The following CFAP74 variants were observed in gnomAD, a reference collection of about 807,000 sequenced individuals.
The protein encoded by CFAP74 is cilia and flagella associated protein 74.
A neutral mutation model predicts 188.9 loss-of-function variants in CFAP74; 124 were observed. The ratio of observed to expected loss-of-function variants is 0.66; its 90% CI spans 0.57 to 0.76. CFAP74 has a LOEUF of 0.76. Among genes scored for constraint, CFAP74 ranks in the 30% least tolerant of loss-of-function variants. The probability of loss-of-function intolerance (pLI) is 0.00; values close to 1 mark genes in which losing one functional copy is unlikely to be tolerated. For missense variants in CFAP74, 2,198 were observed against 2,165.2 expected (o/e 1.02, Z -0.30); for synonymous variants, 956 against 916.7 (o/e 1.04, Z -0.77).
intron 9 of CFAP74, among the ~76,000 whole-genome samples, 153 bp from the exon 10 acceptor site, chr1:1,970,969 T>C (rs561694897): frequency 1.1e-3 from 158 of 144,042 alleles, no homozygotes; most frequent in African/African-American, 3.9e-3. Context: ...ACATCACACA[T>C]GCACACCTGC....
Position 1,925,839 on chromosome 1 carries a change from T to C in CFAP74, c.4048A>G (p.Ser1350Gly). 6.2e-7 allele frequency: 1 copy of C among 1,612,700 alleles called. No individual in the cohort carries two copies. ...ASMITCSIEG[S>G]VLNMGYVIAG... Reference sequence around the variant, plus strand: ...ATCACATAGCCCATGTTGAGGACGCTGCCTTCAATGGAGCACGTGATCATG... The same window carrying C: ...ATCACATAGCCCATGTTGAGGACGCCGCCTTCAATGGAGCACGTGATCATG... The change falls in exon 33 of 39, where the codon AGC becomes GGC. Residue 1350 changes from serine (S) to glycine (G), a missense_variant. Physicochemically the swap from Ser to Gly is moderately conservative, Grantham distance 56. Transcript: ENST00000682832.
intron 10 of CFAP74, among the ~76,000 whole-genome samples, chr1:1,969,703 C>A (rs1438806945): frequency 6.6e-6 from 1 of 151,822 alleles, no homozygotes; most frequent in Non-Finnish European, 1.5e-5. Context: ...GCTGCCAGGA[C>A]CCCCCCGCCC....
Position 1,938,979 on chromosome 1 carries a change from C to T in CFAP74, c.2887G>A (p.Val963Ile), listed in dbSNP as rs1348251877. The change falls in exon 25 of 39, where the codon GTC becomes ATC. Residue 963 changes from valine to isoleucine, a missense_variant. Val to Ile is a conservative substitution (Grantham distance 29). Coordinates refer to ENST00000682832, the MANE Select transcript of CFAP74 (RefSeq NM_001304360.2). ...GTCCCAAACCCATCGTTGGGTTGGACGTCCACAAACTGGAAATAGAAGAGT... is the reference window on the plus strand; with the variant it reads ...GTCCCAAACCCATCGTTGGGTTGGATGTCCACAAACTGGAAATAGAAGAGT... ...GFVRLPKFVD[V>I]QPNDGFGTIL... 4 of 1,535,826 alleles carry T rather than the reference C, an allele frequency of 2.6e-6. No homozygotes were observed. Among genetic ancestry groups the T allele is most frequent in the South Asian group, 1.2e-5 (1 of 84,064 alleles).
In CFAP74 at chr1:1,991,854, A is replaced by G. The variant is rs1357522589; in HGVS notation, c.-19-879T>C. 9.2e-5 allele frequency among the ~76,000 whole-genome samples: 14 copies of G among 151,890 alleles called. 1 individual carries two copies. The highest frequency in any genetic ancestry group is 5.9e-5 in the Non-Finnish European group (4 of 67,976). On this transcript the variant is annotated intron_variant, in intron 1 of 38. Coordinates refer to ENST00000682832, the MANE Select transcript of CFAP74 (RefSeq NM_001304360.2). ...GGAGATCGAGACTATCCTGGCTAGC[A>G]CAGTGAAACCCCATCTCTACTAAAA...
intron 6 of CFAP74, among the ~76,000 whole-genome samples, chr1:1,981,167 C>A (rs967149061): frequency 6.6e-6 from 1 of 152,240 alleles, no homozygotes; most frequent in Non-Finnish European, 1.5e-5. Context: ...TGGAAGCCCC[C>A]GTTCCAGAGG....
At chr1:1,969,076 G>A (rs2102074910) in intron 10 of CFAP74, among the ~76,000 whole-genome samples, 1 of 152,286 alleles carries the variant, frequency 6.6e-6, no homozygotes, top group Non-Finnish European at 1.5e-5. Flanking sequence ...AGCTCCAGTG[G>A]GAAGCAGATG....
chr1:1,941,092 G>A (rs1337848733), intron 22 of CFAP74, among the ~76,000 whole-genome samples: 7 of 151,652 alleles, frequency 4.6e-5, no homozygotes, highest in Admixed American at 2.6e-4. Flanking sequence ...CAGCCTGGGC[G>A]ACAGAGCGAG....
chr1:1,975,320 T>C lies in CFAP74; in HGVS notation c.501-1122A>G, dbSNP rs888999413. ...AATTGAGATACTCAATGGTTTTCTC[T>C]TTTAACGTGTTAATGTCAAGGATTT... On this transcript the variant is annotated intron_variant, in intron 6 of 38. Transcript: ENST00000682832. This position sits in a 1 kb window ranked among gnomAD's most constrained non-coding sequence, Gnocchi z 4.5. Among the ~76,000 whole-genome samples the C allele has an allele frequency of 1.3e-5, 2 of 152,228 alleles. No individual in the cohort carries two copies. The highest frequency in any genetic ancestry group is 2.9e-5 in the Non-Finnish European group (2 of 68,044).
Position 1,966,639 on chromosome 1 carries a change from C to T in CFAP74, c.1246-113G>A, listed in dbSNP as rs1404004636. ...CCGCTGCCTGCCCCCGTTCTTCTGC[C>T]TCACGTACTCTGCATGGAGATAGCG... On this transcript the variant is annotated intron_variant, in intron 11 of 38. Coordinates refer to ENST00000682832, the MANE Select transcript of CFAP74 (RefSeq NM_001304360.2). 25 of 953,916 alleles carry T rather than the reference C, an allele frequency of 2.6e-5. No homozygotes were observed. The Admixed American group carries it at 2.7e-4, about 10-fold the overall frequency. The allele number at this position is 953,916 out of a possible 1,614,324, so 59.1% of individuals were successfully genotyped here.
rs184143414 is a variant in CFAP74, at chr1:1,932,128, G to A, written c.3012-1792C>T. On this transcript the variant is annotated intron_variant, in intron 25 of 38. Transcript: ENST00000682832. The stretch of plus-strand genomic sequence containing the variant: ...TAGAAAAATGTAGGCCGGGCGCGGT[G>A]GCTCACGCCTGTAATCCCAGCACTT... Among the ~76,000 whole-genome samples the A allele has an allele frequency of 2.4e-3, 360 of 150,858 alleles. 6 individuals carry two copies. Among genetic ancestry groups the A allele is most frequent in the Admixed American group, 0.021 (324 of 15,098 alleles).
intron 9 of CFAP74, among the ~76,000 whole-genome samples, chr1:1,971,288 C>T (rs1234865639): frequency 1.3e-5 from 2 of 151,460 alleles, no homozygotes; most frequent in Admixed American, 6.6e-5. Context: ...CACACACGTG[C>T]ACATACACGC....
At chr1:1,950,426 G>A (rs969663618) in intron 18 of CFAP74, among the ~76,000 whole-genome samples, 1 of 149,708 alleles carries the variant, frequency 6.7e-6, no homozygotes, top group Non-Finnish European at 1.5e-5. Context: ...TGCAAACTCC[G>A]CCTCCCAGGT....
intron 14 of CFAP74, among the ~76,000 whole-genome samples, chr1:1,961,755 C>T (rs575960175): frequency 6.6e-6 from 1 of 152,186 alleles, no homozygotes; most frequent in African/African-American, 2.4e-5. Context: ...CCCGCCTTCA[C>T]AGAGAGCTAC....
At chr1:1,974,912 C>T (rs1656339186) in intron 6 of CFAP74, among the ~76,000 whole-genome samples, 1 of 152,236 alleles carries the variant, frequency 6.6e-6, no homozygotes, top group South Asian at 2.1e-4. Flanking sequence ...GTGAGAGCCG[C>T]TGGAGAGGCG....
chr1:1,966,210 G>A (rs143992047), intron 12 of CFAP74, among the ~76,000 whole-genome samples, 161 bp downstream of exon 12: 124 of 151,814 alleles, frequency 8.2e-4, no homozygotes, highest in Non-Finnish European at 9.7e-4. Flanking sequence ...AGAGGGAGGC[G>A]GGGGGCGTCC....
At chr1:1,938,823 C>T in intron 25 of CFAP74, 32 bp downstream of exon 25, 1 of 1,533,002 alleles carries the variant, frequency 6.5e-7, no homozygotes, top group South Asian at 1.2e-5. Context: ...GCACTCCAGG[C>T]CCCCTGCGTC....
At chr1:1,995,632 G>T (rs184381333) in intron 1 of CFAP74, among the ~76,000 whole-genome samples, 1 of 151,550 alleles carries the variant, frequency 6.6e-6, no homozygotes, top group East Asian at 2.0e-4. Flanking sequence ...AGAACAGGCC[G>T]GGCTCGGTGG....
At chr1:1,961,973 G>A (rs941510735) in intron 14 of CFAP74, among the ~76,000 whole-genome samples, 1 of 152,234 alleles carries the variant, frequency 6.6e-6, no homozygotes, top group Admixed American at 6.5e-5. Context: ...GGGAGAAGAG[G>A]AGGCCCCTCT....
chr1:1,940,608 C>T (rs893696450), intron 22 of CFAP74, among the ~76,000 whole-genome samples: 2 of 152,280 alleles, frequency 1.3e-5, no homozygotes, highest in African/African-American at 2.4e-5. Context: ...AGGGCTCTGG[C>T]GTGTCTAAGT....
Sources: gnomAD v4.1 joint callset for allele counts (sites outside exome capture counted in the v4.1 genomes callset) on GRCh38, gnomAD v4.1.1 for gene constraint, Gnocchi (gnomAD v3.1) non-coding constraint, MANE v1.5 for transcripts, NCBI Gene and HGNC (gene_info 2026-07-23, HGNC 2026-07-21) for gene names.